GALNT17: variants seen among roughly 807,000 people sequenced by gnomAD.
GALNT17 encodes UDP-GalNAc:polypeptide N-acetylgalactosaminyltransferase-like 3.
In GALNT17, 29 loss-of-function variants were observed where a neutral mutation model predicts 63.7. The observed-to-expected ratio is 0.46, with a 90% CI of 0.34 to 0.62. The LOEUF (loss-of-function observed/expected upper bound fraction) is 0.62. Among genes scored for constraint, GALNT17 ranks in the 20% least tolerant of loss-of-function variants. GALNT17 has a pLI of 0.01. For synonymous variants in GALNT17, 305 were observed against 318.3 expected (o/e 0.96, Z 0.45); for missense variants, 603 against 799.6 (o/e 0.75, Z 2.97).
At chr7:71,224,931 G>C (rs1789653670) in intron 1 of GALNT17, among the ~76,000 whole-genome samples, 1 of 152,088 alleles carries the variant, frequency 6.6e-6, no homozygotes, top group Non-Finnish European at 1.5e-5. Context: ...ATCTATATTG[G>C]TTTTCTTGGC....
At chr7:71,624,775 G>A (rs996777024) in intron 6 of GALNT17, among the ~76,000 whole-genome samples, 2 of 152,196 alleles carry the variant, frequency 1.3e-5, no homozygotes, top group African/African-American at 4.8e-5. Context: ...AATTTTGTGA[G>A]AAATAACTGT....
chr7:71,553,731 T>C (rs1789117615), intron 5 of GALNT17, among the ~76,000 whole-genome samples: 1 of 152,228 alleles, frequency 6.6e-6, no homozygotes, highest in African/African-American at 2.4e-5. Context: ...TCACTGATGA[T>C]GGAAAAGAAA....
chr7:71,632,803 T>C (rs1399841538), intron 6 of GALNT17, among the ~76,000 whole-genome samples: 1 of 152,058 alleles, frequency 6.6e-6, no homozygotes, highest in Non-Finnish European at 1.5e-5. Context: ...AAACATTGCA[T>C]CAAAATACTA....
intron 6 of GALNT17, among the ~76,000 whole-genome samples, chr7:71,575,605 G>T (rs2116887335): frequency 6.6e-6 from 1 of 152,050 alleles, no homozygotes; most frequent in Non-Finnish European, 1.5e-5. Flanking sequence ...AGCCAGGATG[G>T]TCTCGATCTC....
At chr7:71,322,593 T>C (rs560411580) in intron 1 of GALNT17, among the ~76,000 whole-genome samples, 1 of 152,272 alleles carries the variant, frequency 6.6e-6, no homozygotes, top group East Asian at 1.9e-4. Context: ...TGGATCACCA[T>C]GTGTTATAAA....
chr7:71,241,502 A>G (rs1789995662), intron 1 of GALNT17, among the ~76,000 whole-genome samples: 1 of 152,230 alleles, frequency 6.6e-6, no homozygotes, highest in Non-Finnish European at 1.5e-5. Flanking sequence ...GATGTGAACC[A>G]AAGTGCCACG....
intron 1 of GALNT17, among the ~76,000 whole-genome samples, chr7:71,244,372 C>T (rs531923694): frequency 7.9e-5 from 12 of 152,286 alleles, no homozygotes; most frequent in African/African-American, 2.4e-4. Context: ...TTTGGTTTCA[C>T]GGCTCTTTTA....
At position 71,205,176 on chromosome 7, in the gene GALNT17, A is replaced by G. The variant is rs1585880222; in HGVS notation, c.238+72136A>G. 2.7e-5 allele frequency among the ~76,000 whole-genome samples: 3 copies of G among 110,888 alleles called. No homozygotes were observed. The Admixed American group carries it at 3.4e-4, about 12-fold the overall frequency. 72.7% of individuals were successfully genotyped at this position (110,888 alleles called of 152,430 possible). On this transcript the variant is annotated intron_variant, in intron 1 of 10. Coordinates refer to ENST00000333538, the MANE Select transcript of GALNT17 (RefSeq NM_022479.3). ...ACTTTTTTTTTTTTTTTTTTTTGAGACAGAGTCTCGCTCTGTTGCCAGGCT... is the reference window on the plus strand; with the variant it reads ...ACTTTTTTTTTTTTTTTTTTTTGAGGCAGAGTCTCGCTCTGTTGCCAGGCT...
chr7:71,432,811 T>C lies in GALNT17; in HGVS notation c.962+11706T>C, dbSNP rs113209748. The stretch of plus-strand genomic sequence containing the variant: ...AGTGAGATCCCATCTGTATTTCTTT[T>C]TGTTGTTGTTGTTGTCCAGACAGAG... On this transcript the variant is annotated intron_variant, in intron 5 of 10. Transcript: ENST00000333538. 2.3e-3 allele frequency among the ~76,000 whole-genome samples: 348 copies of C among 152,208 alleles called. 2 individuals are homozygous for C. The highest frequency in any genetic ancestry group is 7.9e-3 in the African/African-American group (330 of 41,526).
At chr7:71,182,412 A>G (rs1788752127) in intron 1 of GALNT17, among the ~76,000 whole-genome samples, 1 of 152,172 alleles carries the variant, frequency 6.6e-6, no homozygotes, top group Non-Finnish European at 1.5e-5. Context: ...TTGGAGATCC[A>G]GTTGCACAAA....
intron 1 of GALNT17, among the ~76,000 whole-genome samples, chr7:71,227,864 G>A (rs1364668282): frequency 6.6e-6 from 1 of 152,142 alleles, no homozygotes; most frequent in Non-Finnish European, 1.5e-5. Flanking sequence ...CACGGGTTGA[G>A]GAAGAGACAC....
intron 2 of GALNT17, among the ~76,000 whole-genome samples, chr7:71,363,023 G>T (rs1159541923): frequency 6.6e-6 from 1 of 151,468 alleles, no homozygotes; most frequent in South Asian, 2.1e-4. Flanking sequence ...CTGGAGTGCC[G>T]TGGCCCGATC....
At chr7:71,578,455 T>C (rs1789575188) in intron 6 of GALNT17, among the ~76,000 whole-genome samples, 1 of 152,142 alleles carries the variant, frequency 6.6e-6, no homozygotes, top group Admixed American at 6.5e-5. Context: ...TGTCTCAGCC[T>C]CCCAAGTAGG....
At chr7:71,339,216 G>A (rs919236932) in intron 2 of GALNT17, among the ~76,000 whole-genome samples, 1 of 152,218 alleles carries the variant, frequency 6.6e-6, no homozygotes, top group African/African-American at 2.4e-5. Flanking sequence ...TAGACACTTG[G>A]ATGAAGCACA....
At chr7:71,265,562 G>T (rs1790478780) in intron 1 of GALNT17, among the ~76,000 whole-genome samples, 1 of 152,196 alleles carries the variant, frequency 6.6e-6, no homozygotes, top group Non-Finnish European at 1.5e-5. Flanking sequence ...TGACAGAGGT[G>T]GTGGTATCAG....
intron 1 of GALNT17, among the ~76,000 whole-genome samples, chr7:71,241,523 A>G (rs1335295364): frequency 6.6e-6 from 1 of 152,172 alleles, no homozygotes; most frequent in Non-Finnish European, 1.5e-5. Context: ...TTCCATTTCC[A>G]ATTTTGCTCT....
intron 1 of GALNT17, among the ~76,000 whole-genome samples, chr7:71,301,686 G>T (rs574352444): frequency 2.0e-5 from 3 of 151,874 alleles, no homozygotes; most frequent in African/African-American, 4.8e-5. Flanking sequence ...ACAAGTGTGC[G>T]CAGTATTGGA....
chr7:71,487,584 C>T (rs980499605), intron 5 of GALNT17, among the ~76,000 whole-genome samples: 1 of 152,020 alleles, frequency 6.6e-6, no homozygotes, highest in African/African-American at 2.4e-5. Flanking sequence ...CCAGTGTGGG[C>T]AACATAGTGA....
chr7:71,515,787 G>C (rs1034624982), intron 5 of GALNT17, among the ~76,000 whole-genome samples: 1 of 152,114 alleles, frequency 6.6e-6, no homozygotes, highest in Non-Finnish European at 1.5e-5. Context: ...GATGCGCCCA[G>C]ATAAAAAGAG....
Sources: gnomAD v4.1 joint callset for allele counts (sites outside exome capture counted in the v4.1 genomes callset) on GRCh38, gnomAD v4.1.1 for gene constraint, MANE v1.5 for transcripts, NCBI Gene and HGNC (gene_info 2026-07-23, HGNC 2026-07-21) for gene names.